CSMD1: variants seen among roughly 807,000 people sequenced by gnomAD.
CSMD1 encodes CUB and Sushi multiple domains 1.
In CSMD1, 213 loss-of-function variants were observed where a neutral mutation model predicts 417.5. The observed-to-expected ratio is 0.51, with a 90% CI of 0.46 to 0.57. The LOEUF (loss-of-function observed/expected upper bound fraction) is 0.57, where lower values mean the gene tolerates loss of function less well. Among genes scored for constraint, CSMD1 ranks in the 20% least tolerant of loss-of-function variants. The probability of loss-of-function intolerance (pLI) is 0.00; values close to 1 mark genes in which losing one functional copy is unlikely to be tolerated. For synonymous variants in CSMD1, 2,862 were observed against 1,736.8 expected (o/e 1.65, Z -16.11); for missense variants, 6,923 against 4,529.7 (o/e 1.53, Z -15.17).
intron 1 of CSMD1, among the ~76,000 whole-genome samples, chr8:4,679,820 T>A (rs1411695649): frequency 6.6e-6 from 1 of 150,602 alleles, no homozygotes; most frequent in Non-Finnish European, 1.5e-5. Context: ...ATTTTAAATG[T>A]TTATTTAAAT....
chr8:3,370,646 T>A (rs1226768414), intron 18 of CSMD1, among the ~76,000 whole-genome samples: 1 of 152,158 alleles, frequency 6.6e-6, no homozygotes, highest in Non-Finnish European at 1.5e-5. Flanking sequence ...TGAACTGGCA[T>A]CATTCAATCT....
rs145223194 is a variant in CSMD1, at chr8:3,979,674, C to T, written c.818+18229G>A. On this transcript the variant is annotated intron_variant, in intron 5 of 69. Coordinates refer to ENST00000635120, the MANE Select transcript of CSMD1 (RefSeq NM_033225.6). ...CTTGTGAAGACGCTGAAAGCAGGTG[C>T]CATCTATGAGCCAGGACGCAATGCG... Among the ~76,000 whole-genome samples the T allele has an allele frequency of 7.2e-5, 11 of 152,192 alleles. No individual in the cohort carries two copies. The East Asian group carries it at 2.1e-3, about 29-fold the overall frequency.
chr8:3,982,658 G>A (rs188138660), intron 5 of CSMD1, among the ~76,000 whole-genome samples: 110 of 152,134 alleles, frequency 7.2e-4, no homozygotes, highest in Non-Finnish European at 4.0e-4. Flanking sequence ...CAAAGATAGG[G>A]CAGATCTGAG....
In CSMD1 at chr8:3,831,374, C is replaced by G. The variant is rs147609916; in HGVS notation, c.819-77332G>C. On this transcript the variant is annotated intron_variant, in intron 5 of 69. Coordinates refer to ENST00000635120, the MANE Select transcript of CSMD1 (RefSeq NM_033225.6). ...TAACAGCACTTGCAAACTCGTCTTT[C>G]CAACAGAGACAAATGATTCTTGGAA... 3.9e-3 allele frequency among the ~76,000 whole-genome samples: 600 copies of G among 152,218 alleles called. 4 individuals are homozygous for G. Among genetic ancestry groups the G allele is most frequent in the African/African-American group, 0.014 (574 of 41,564 alleles).
intron 4 of CSMD1, among the ~76,000 whole-genome samples, chr8:4,014,464 A>G (rs1402002668): frequency 6.6e-6 from 1 of 152,174 alleles, no homozygotes; most frequent in Non-Finnish European, 1.5e-5. Context: ...AGCCTCTAAG[A>G]AGCTTTTTAG....
At chr8:4,946,261 T>A (rs912959195) in intron 1 of CSMD1, among the ~76,000 whole-genome samples, 3 of 152,308 alleles carry the variant, frequency 2.0e-5, no homozygotes, top group Admixed American at 6.5e-5. Flanking sequence ...ATGCTTTTGG[T>A]CTTGTGAGAT....
intron 52 of CSMD1, among the ~76,000 whole-genome samples, chr8:3,013,653 G>T (rs1808590192): frequency 6.6e-6 from 1 of 151,910 alleles, no homozygotes; most frequent in South Asian, 2.1e-4. Flanking sequence ...TCAGGAGGGT[G>T]AGGCAGGACA....
intron 25 of CSMD1, among the ~76,000 whole-genome samples, chr8:3,291,788 C>A (rs945579013): frequency 6.6e-6 from 1 of 150,730 alleles, no homozygotes; most frequent in Non-Finnish European, 1.5e-5. Flanking sequence ...CTCCTGGATT[C>A]ATTGACTTTT....
chr8:4,402,339 A>C (rs576237707), intron 3 of CSMD1, among the ~76,000 whole-genome samples: 1 of 149,000 alleles, frequency 6.7e-6, no homozygotes, highest in Admixed American at 6.7e-5. Context: ...TCATCATCAC[A>C]CTCCTTCCCC....
At chr8:4,005,168 G>T (rs921255851) in intron 4 of CSMD1, among the ~76,000 whole-genome samples, 1 of 152,112 alleles carries the variant, frequency 6.6e-6, no homozygotes, top group African/African-American at 2.4e-5. Flanking sequence ...GGGGATAAAA[G>T]ACAACATATA....
At chr8:3,818,647 G>A (rs1343050592) in intron 5 of CSMD1, among the ~76,000 whole-genome samples, 3 of 152,146 alleles carry the variant, frequency 2.0e-5, no homozygotes, top group Non-Finnish European at 2.9e-5. Context: ...AGGGATGCCC[G>A]GCATCGTCTG....
chr8:4,660,845 G>C (rs1384085299), intron 1 of CSMD1, among the ~76,000 whole-genome samples: 2 of 152,088 alleles, frequency 1.3e-5, no homozygotes, highest in Non-Finnish European at 1.5e-5. Context: ...TAGGCAGATG[G>C]CAAATACCAT....
At chr8:3,861,917 T>C (rs145447484) in intron 5 of CSMD1, among the ~76,000 whole-genome samples, 4 of 152,264 alleles carry the variant, frequency 2.6e-5, no homozygotes, top group African/African-American at 4.8e-5. Flanking sequence ...CATTCCAGGA[T>C]TTCCTTGCTC....
chr8:3,224,124 C>G (rs1052257037), intron 27 of CSMD1, among the ~76,000 whole-genome samples: 2 of 152,120 alleles, frequency 1.3e-5, no homozygotes, highest in African/African-American at 4.8e-5. Context: ...AAACTTCTGA[C>G]ACAAAAAATT....
intron 52 of CSMD1, among the ~76,000 whole-genome samples, chr8:3,009,818 G>A (rs924353173): frequency 4.6e-5 from 7 of 152,092 alleles, no homozygotes; most frequent in African/African-American, 1.2e-4. Flanking sequence ...TCAAACACGG[G>A]CCCGAGTCCT....
chr8:3,018,490 T>C lies in CSMD1; in HGVS notation c.8016A>G (p.Glu2672=), dbSNP rs1809055914. 1 of 1,613,214 alleles carries C rather than the reference T, an allele frequency of 6.2e-7. No individual in the cohort carries two copies. The highest frequency in any genetic ancestry group is 8.5e-7 in the Non-Finnish European group (1 of 1,179,526). The change falls in exon 52 of 70, where the codon GAA becomes GAG. Residue 2672 remains glutamate, a synonymous_variant. Transcript: ENST00000635120. ...CLANGLWSGS[E]TRCLAGHCGS... ...AGATGAATTTACCCAGACATCGAGTTTCGCTGCCGCTCCAGAGCCCATTTG... is the reference window on the plus strand; with the variant it reads ...AGATGAATTTACCCAGACATCGAGTCTCGCTGCCGCTCCAGAGCCCATTTG...
intron 30 of CSMD1, among the ~76,000 whole-genome samples, chr8:3,213,226 C>T (rs1008151604): frequency 3.3e-5 from 5 of 152,288 alleles, no homozygotes; most frequent in Non-Finnish European, 7.3e-5. Flanking sequence ...ATTTATCAAA[C>T]GAAACTGGTC....
At chr8:4,624,674 C>A (rs1053470684) in intron 2 of CSMD1, among the ~76,000 whole-genome samples, 2 of 152,094 alleles carry the variant, frequency 1.3e-5, no homozygotes, top group Non-Finnish European at 2.9e-5. Context: ...TCTGTTTACA[C>A]GGGATATAAT....
At chr8:3,290,196 T>C (rs1803446808) in intron 25 of CSMD1, among the ~76,000 whole-genome samples, 1 of 147,412 alleles carries the variant, frequency 6.8e-6, no homozygotes, top group Non-Finnish European at 1.5e-5. Flanking sequence ...ATCTCTGTTT[T>C]GGTACCAGTA....
Sources: gnomAD v4.1 joint callset for allele counts (sites outside exome capture counted in the v4.1 genomes callset) on GRCh38, gnomAD v4.1.1 for gene constraint, MANE v1.5 for transcripts, NCBI Gene and HGNC (gene_info 2026-07-23, HGNC 2026-07-21) for gene names.